Variants in HDAC4 observed in about 807,000 individuals in gnomAD.
HDAC4 encodes histone deacetylase A.
A neutral mutation model predicts 135.1 loss-of-function variants in HDAC4; 16 were observed. The observed-to-expected ratio is 0.12, with a 90% CI of 0.08 to 0.18. The LOEUF (loss-of-function observed/expected upper bound fraction) is 0.18. Ranked by LOEUF, HDAC4 falls within the 10% of genes least tolerant of loss-of-function variation. The pLI is 1.00. For missense variants in HDAC4, 1,143 were observed against 1,511.8 expected, an observed-to-expected ratio of 0.76 and a Z score of 4.05; for synonymous variants, 685 against 653.4, an observed-to-expected ratio of 1.05 and a Z score of -0.74.
At chr2:239,094,660 A>T in intron 17 of HDAC4, 1 of 1,182,214 alleles carries the variant, frequency 8.5e-7, no homozygotes, top group Non-Finnish European at 1.1e-6. Flanking sequence ...AGAAGCACGC[A>T]TCCTACCCGC....
chr2:239,208,326 C>CAAAAAAAA (rs759398313), intron 3 of HDAC4, among the ~76,000 whole-genome samples: 9 of 68,206 alleles, frequency 1.3e-4, no homozygotes, highest in African/African-American at 9.3e-4. Context: ...GACTCCGTCC[C>CAAAAAAAA]AAAAAAAAAA....
At position 239,270,913 on chromosome 2, in the gene HDAC4, G is replaced by A. The variant is rs139505401; in HGVS notation, c.23-34249C>T. 1.6e-3 allele frequency among the ~76,000 whole-genome samples: 247 copies of A among 152,212 alleles called. 2 individuals carry two copies. In the East Asian group the frequency reaches 0.02, roughly 12 times the overall value. On this transcript the variant is annotated intron_variant, in intron 2 of 26. Coordinates refer to ENST00000543185, the MANE Select transcript of HDAC4 (RefSeq NM_001378414.1). ...TTTTGGCAAGGAAAATACAGTGTCCGTTCCTCATTCAGAAACATGGCAAAT... is the reference window on the plus strand; with the variant it reads ...TTTTGGCAAGGAAAATACAGTGTCCATTCCTCATTCAGAAACATGGCAAAT...
At chr2:239,084,460 C>T (rs528833671) in intron 19 of HDAC4, among the ~76,000 whole-genome samples, 4 of 74,120 alleles carry the variant, frequency 5.4e-5, no homozygotes, top group South Asian at 4.5e-4. Context: ...CACACGCGTG[C>T]GCGCGCACAC....
At chr2:239,108,209 T>G in intron 14 of HDAC4, 26 bp from the exon 15 acceptor site, 1 of 1,582,694 alleles carries the variant, frequency 6.3e-7, no homozygotes, top group Non-Finnish European at 8.6e-7. Context: ...GGGGCCAAGA[T>G]CAGCGCACAT....
intron 4 of HDAC4, among the ~76,000 whole-genome samples, chr2:239,185,485 G>C (rs185073201): frequency 7.9e-4 from 119 of 151,022 alleles, no homozygotes; most frequent in African/African-American, 2.8e-3. Context: ...CACCCTGCAG[G>C]GGGTGCCCCG....
intron 12 of HDAC4, among the ~76,000 whole-genome samples, chr2:239,117,499 G>A (rs2039240607): frequency 6.8e-6 from 1 of 146,688 alleles, no homozygotes; most frequent in South Asian, 2.2e-4. Flanking sequence ...CCAGAAAAGG[G>A]ATGAATGTGA....
intron 11 of HDAC4, among the ~76,000 whole-genome samples, chr2:239,133,338 A>C (rs1193236351): frequency 6.6e-6 from 1 of 152,206 alleles, no homozygotes; most frequent in Admixed American, 6.5e-5. Flanking sequence ...TCACTGCCAG[A>C]GTTTCACAGG....
intron 19 of HDAC4, among the ~76,000 whole-genome samples, chr2:239,086,138 AC>A (rs1394660372): frequency 2.4e-5 from 1 of 41,818 alleles, no homozygotes; most frequent in East Asian, 9.0e-4. Flanking sequence ...CGCGGATCTG[AC>A]TATCTCGCAC....
chr2:239,130,972 C>A (rs2040537911), intron 11 of HDAC4, among the ~76,000 whole-genome samples: 1 of 152,200 alleles, frequency 6.6e-6, no homozygotes, highest in Non-Finnish European at 1.5e-5. Flanking sequence ...TCCTTCTTAC[C>A]CGGGAATGGG....
chr2:239,220,422 C>T (rs606531), intron 3 of HDAC4, among the ~76,000 whole-genome samples: 137,985 of 152,256 alleles, frequency 0.91, 62,677 homozygotes, highest in South Asian at 0.97. Flanking sequence ...AAAGCATACA[C>T]TGTGCACTGA....
rs373617636 is a variant in HDAC4 at position 239,115,175 on chromosome 2, C to A, written c.1669G>T (p.Ala557Ser). The stretch of plus-strand genomic sequence containing the variant: ...TGCTTCACCTGCACGCCGGCCTGTG[C>A]GTGCGCCTCCTTCTGCCCCGGCAGC... ...DRLPGQKEAH[A>S]QAGVQVKQEP... Residue 557 changes from alanine to serine, a missense_variant, in exon 13 of 27, where the codon GCA becomes TCA. This residue lies in a region of HDAC4 where 196 missense variants were observed against 210.7 expected (regional missense o/e 0.93). Transcript: ENST00000543185. This position sits in a 1 kb window ranked among gnomAD's most constrained non-coding sequence, Gnocchi z 6.3. 4 of 1,611,054 alleles carry A rather than the reference C, an allele frequency of 2.5e-6. No individual in the cohort carries two copies. The Admixed American group carries it at 5.0e-5, about 20-fold the overall frequency.
intron 3 of HDAC4, among the ~76,000 whole-genome samples, chr2:239,221,317 CA>C (rs2046940945): frequency 6.6e-6 from 1 of 152,110 alleles, no homozygotes; most frequent in African/African-American, 2.4e-5. Flanking sequence ...GACACCACAT[CA>C]GGGGAGGAGA....
At chr2:239,377,604 C>A (rs559206274) in intron 1 of HDAC4, among the ~76,000 whole-genome samples, 2 of 152,352 alleles carry the variant, frequency 1.3e-5, no homozygotes, top group African/African-American at 4.8e-5. Context: ...TCGCCCAGAC[C>A]ACCAACCTGG....
intron 22 of HDAC4, among the ~76,000 whole-genome samples, chr2:239,074,933 C>T (rs971579291): frequency 3.9e-5 from 6 of 152,128 alleles, no homozygotes; most frequent in African/African-American, 1.4e-4. Context: ...TAATAAAGAA[C>T]TCAGTCTCGG....
At chr2:239,178,296 G>A (rs1338299630) in intron 4 of HDAC4, among the ~76,000 whole-genome samples, 1 of 152,172 alleles carries the variant, frequency 6.6e-6, no homozygotes, top group East Asian at 1.9e-4. Context: ...TTAGACATAG[G>A]GTCTCGCTCT....
intron 2 of HDAC4, among the ~76,000 whole-genome samples, chr2:239,265,070 G>A (rs2049639905): frequency 6.6e-6 from 1 of 152,252 alleles, no homozygotes; most frequent in South Asian, 2.1e-4. Flanking sequence ...AGTGGGGGAT[G>A]GGGGCCAAAG....
chr2:239,201,513 T>C, intron 3 of HDAC4, among the ~76,000 whole-genome samples: 1 of 152,202 alleles, frequency 6.6e-6, no homozygotes, highest in African/African-American at 2.4e-5. Flanking sequence ...TAATTACTAT[T>C]TGCTGAGAGC....
chr2:239,204,001 T>A (rs1023248214), intron 3 of HDAC4, among the ~76,000 whole-genome samples: 1 of 152,210 alleles, frequency 6.6e-6, no homozygotes, highest in Non-Finnish European at 1.5e-5. Flanking sequence ...CCGGGTCCAA[T>A]GCATCCATCG....
At chr2:239,242,309 A>G (rs982619976) in intron 2 of HDAC4, among the ~76,000 whole-genome samples, 1 of 152,072 alleles carries the variant, frequency 6.6e-6, no homozygotes, top group Admixed American at 6.5e-5. Flanking sequence ...GAGAGAAGAT[A>G]ATCTTTACAG....
Sources: gnomAD v4.1 joint callset for allele counts (sites outside exome capture counted in the v4.1 genomes callset) on GRCh38, gnomAD v4.1.1 for gene constraint, gnomAD v4.1.1 regional missense constraint, Gnocchi (gnomAD v3.1) non-coding constraint, MANE v1.5 for transcripts, NCBI Gene and HGNC (gene_info 2026-07-23, HGNC 2026-07-21) for gene names.